ATXN7L1: variants seen among roughly 807,000 people sequenced by gnomAD.
ATXN7L1 encodes the protein ataxin 7 like 1.
In ATXN7L1, 15 loss-of-function variants were observed where a neutral mutation model predicts 70.8. The ratio of observed to expected loss-of-function variants is 0.21; its 90% CI spans 0.14 to 0.33. ATXN7L1 has a LOEUF of 0.33. Ranked by LOEUF, ATXN7L1 falls within the 10% of genes least tolerant of loss-of-function variation. ATXN7L1 has a pLI of 1.00. For missense variants in ATXN7L1, 975 were observed against 1,097.1 expected (o/e 0.89, Z 1.57); for synonymous variants, 440 against 445.1 (o/e 0.99, Z 0.14).
intron 4 of ATXN7L1, chr7:105,649,542 C>T: frequency 1.0e-6 from 1 of 987,794 alleles, no homozygotes; most frequent in Non-Finnish European, 1.2e-6. Context: ...AGTAGATTCC[C>T]CTCCCTGCCC....
intron 3 of ATXN7L1, among the ~76,000 whole-genome samples, chr7:105,770,682 GGA>G (rs981295986): frequency 5.9e-5 from 9 of 152,182 alleles, no homozygotes; most frequent in African/African-American, 2.2e-4. Context: ...AAGGAGGGAT[GGA>G]GAGACCCTGC....
chr7:105,836,746 C>T (rs912548106), intron 2 of ATXN7L1, among the ~76,000 whole-genome samples: 2 of 152,100 alleles, frequency 1.3e-5, no homozygotes, highest in African/African-American at 4.8e-5. Context: ...AAGAAATACC[C>T]GAGGCTGGGT....
intron 9 of ATXN7L1, among the ~76,000 whole-genome samples, 158 bp downstream of exon 9, chr7:105,620,042 A>AT: frequency 6.6e-6 from 1 of 152,264 alleles, no homozygotes; most frequent in African/African-American, 2.4e-5. Flanking sequence ...CAGGCAAACC[A>AT]TTAAGAAGAG....
chr7:105,697,216 G>A (rs1470487482), intron 3 of ATXN7L1, among the ~76,000 whole-genome samples: 1 of 152,172 alleles, frequency 6.6e-6, no homozygotes, highest in Admixed American at 6.5e-5. Flanking sequence ...AATTTATTAG[G>A]TGGGAATTTC....
chr7:105,755,425 G>A (rs1799689637), intron 3 of ATXN7L1, among the ~76,000 whole-genome samples: 1 of 152,218 alleles, frequency 6.6e-6, no homozygotes, highest in South Asian at 2.1e-4. Flanking sequence ...AAGGCAGGGA[G>A]CAATATGGCT....
intron 2 of ATXN7L1, among the ~76,000 whole-genome samples, chr7:105,845,512 A>T (rs2392642): frequency 0.18 from 25,611 of 142,524 alleles, 2,532 homozygotes; most frequent in East Asian, 0.5. Context: ...GTAAGTACCC[A>T]GTCTTTTTTT....
At chr7:105,707,447 GA>G (rs1415108077) in intron 3 of ATXN7L1, among the ~76,000 whole-genome samples, 1 of 152,220 alleles carries the variant, frequency 6.6e-6, no homozygotes, top group Non-Finnish European at 1.5e-5. Context: ...GATGAAGAAT[GA>G]GTGGGGGATG....
chr7:105,788,528 C>T (rs138980718), intron 3 of ATXN7L1, 76 bp downstream of exon 3: 34 of 1,202,734 alleles, frequency 2.8e-5, no homozygotes, highest in Middle Eastern at 2.0e-4. Flanking sequence ...GAGACCCTGT[C>T]GGGGAGCCCA....
intron 7 of ATXN7L1, among the ~76,000 whole-genome samples, chr7:105,637,186 G>A (rs10953479): frequency 0.35 from 53,106 of 152,018 alleles, 9,477 homozygotes; most frequent in Admixed American, 0.44. Flanking sequence ...GGCTGAGCTC[G>A]GCCATAATGA....
At chr7:105,782,048 G>A (rs1803608649) in intron 3 of ATXN7L1, among the ~76,000 whole-genome samples, 1 of 152,132 alleles carries the variant, frequency 6.6e-6, no homozygotes, top group Non-Finnish European at 1.5e-5. Flanking sequence ...GCCTAGGCTG[G>A]TCTCGAACTC....
intron 2 of ATXN7L1, among the ~76,000 whole-genome samples, chr7:105,811,589 C>A (rs539245385): frequency 1.3e-3 from 197 of 152,242 alleles, no homozygotes; most frequent in African/African-American, 4.7e-3. Flanking sequence ...GAGAAAAGCC[C>A]AGGCTGCTGA....
At chr7:105,713,325 G>A (rs1270501378) in intron 3 of ATXN7L1, among the ~76,000 whole-genome samples, 1 of 152,232 alleles carries the variant, frequency 6.6e-6, no homozygotes, top group Non-Finnish European at 1.5e-5. Flanking sequence ...CACACTTGGT[G>A]TAGCCAGCCT....
chr7:105,838,798 C>T (rs915501718), intron 2 of ATXN7L1, among the ~76,000 whole-genome samples: 3 of 152,198 alleles, frequency 2.0e-5, no homozygotes, highest in Admixed American at 2.0e-4. Flanking sequence ...ACCCTGCCAG[C>T]CAGGTCTCTA....
At position 105,826,200 on chromosome 7, in the gene ATXN7L1, A is replaced by C. The variant is rs536854546; in HGVS notation, c.251-37492T>G. 3.9e-5 allele frequency among the ~76,000 whole-genome samples: 6 copies of C among 152,352 alleles called. No homozygotes were observed. The East Asian group carries it at 1.2e-3, about 29-fold the overall frequency. The stretch of plus-strand genomic sequence containing the variant: ...AGTTTTTAGTACAACTTGGCTTTTA[A>C]ACTGTACATATATTACTTTGGGGGA... On this transcript the variant is annotated intron_variant, in intron 2 of 11. Coordinates refer to ENST00000419735, the MANE Select transcript of ATXN7L1 (RefSeq NM_020725.2).
chr7:105,750,889 C>T (rs569848287), intron 3 of ATXN7L1, among the ~76,000 whole-genome samples: 2 of 152,304 alleles, frequency 1.3e-5, no homozygotes, highest in South Asian at 4.1e-4. Context: ...CATTCAAAGC[C>T]TTCCACGATC....
At chr7:105,666,427 C>T (rs1177495641) in intron 3 of ATXN7L1, among the ~76,000 whole-genome samples, 2 of 152,220 alleles carry the variant, frequency 1.3e-5, no homozygotes, top group Non-Finnish European at 2.9e-5. Flanking sequence ...ATTCTCTCTC[C>T]AGCCCAAAGC....
At chr7:105,860,388 A>T (rs1816448085) in intron 2 of ATXN7L1, among the ~76,000 whole-genome samples, 1 of 151,890 alleles carries the variant, frequency 6.6e-6, no homozygotes, top group Non-Finnish European at 1.5e-5. Flanking sequence ...TTTTCATGGA[A>T]TTTTCTCTGC....
intron 4 of ATXN7L1, among the ~76,000 whole-genome samples, chr7:105,661,689 C>T (rs964822030): frequency 3.9e-5 from 6 of 152,298 alleles, no homozygotes; most frequent in South Asian, 4.1e-4. Context: ...AGGCTCAAAA[C>T]CAAATCATCC....
intron 3 of ATXN7L1, among the ~76,000 whole-genome samples, chr7:105,771,076 T>C (rs1439674655): frequency 6.6e-6 from 1 of 151,996 alleles, no homozygotes; most frequent in African/African-American, 2.4e-5. Flanking sequence ...GGTGGGCACC[T>C]GTAATCCTAG....
Sources: gnomAD v4.1 joint callset for allele counts (sites outside exome capture counted in the v4.1 genomes callset) on GRCh38, gnomAD v4.1.1 for gene constraint, MANE v1.5 for transcripts, NCBI Gene and HGNC (gene_info 2026-07-23, HGNC 2026-07-21) for gene names.